UNC13C: variants seen among roughly 807,000 people sequenced by gnomAD.
The protein encoded by UNC13C is protein unc-13 homolog C.
Under a neutral mutation model 245.4 loss-of-function variants are expected in UNC13C, and 174 were observed. The ratio of observed to expected loss-of-function variants is 0.71; its 90% CI spans 0.63 to 0.80. The LOEUF (loss-of-function observed/expected upper bound fraction) is 0.80. Among genes scored for constraint, UNC13C ranks in the 30% least tolerant of loss-of-function variants. The probability of loss-of-function intolerance (pLI) is 0.00; values close to 1 mark genes in which losing one functional copy is unlikely to be tolerated. For synonymous variants in UNC13C, 992 were observed against 895.1 expected (o/e 1.11, Z -1.93); for missense variants, 2,829 against 2,602.9 (o/e 1.09, Z -1.89).
At chr15:54,469,007 A>T (rs746065766) in intron 19 of UNC13C, among the ~76,000 whole-genome samples, 1 of 151,570 alleles carries the variant, frequency 6.6e-6, no homozygotes, top group Non-Finnish European at 1.5e-5. Context: ...ATTTTGCTGA[A>T]TCTATAGATT....
At chr15:54,050,977 C>A (rs533396642) in intron 2 of UNC13C, 17 of 497,072 alleles carry the variant, frequency 3.4e-5, no homozygotes, top group African/African-American at 2.6e-4. Flanking sequence ...GTACCAGTTA[C>A]CAAGAAGCCT....
At position 54,600,713 on chromosome 15, in the gene UNC13C, T is replaced by G. The variant is rs988127254; in HGVS notation, c.6107-21614T>G. 3.9e-5 allele frequency among the ~76,000 whole-genome samples: 6 copies of G among 152,150 alleles called. No individual in the cohort carries two copies. In the East Asian group the frequency reaches 1.2e-3, roughly 29 times the overall value. ...TCTTTCTTATACAAAATAAATATTT[T>G]ATCTTTGAAAACAAAGCTTTCATAC... On this transcript the variant is annotated intron_variant, in intron 30 of 32. Transcript: ENST00000260323.
chr15:54,319,295 A>G (rs2038088757), intron 13 of UNC13C, among the ~76,000 whole-genome samples: 1 of 147,354 alleles, frequency 6.8e-6, no homozygotes, highest in South Asian at 2.2e-4. Flanking sequence ...GAATTGTTGA[A>G]AAAAAAAAAA....
chr15:54,060,995 A>T (rs1218567731), intron 2 of UNC13C, among the ~76,000 whole-genome samples: 1 of 152,170 alleles, frequency 6.6e-6, no homozygotes, highest in African/African-American at 2.4e-5. Flanking sequence ...GAGGGAGAGC[A>T]TTAGGAGATA....
intron 29 of UNC13C, among the ~76,000 whole-genome samples, chr15:54,564,531 C>T (rs1897424722): frequency 6.6e-6 from 1 of 151,990 alleles, no homozygotes; most frequent in Non-Finnish European, 1.5e-5. Context: ...TTTATGCTTT[C>T]ATAGCTTAAC....
chr15:54,473,567 G>A (rs990702157), intron 19 of UNC13C, among the ~76,000 whole-genome samples: 1 of 151,536 alleles, frequency 6.6e-6, no homozygotes, highest in African/African-American at 2.4e-5. Context: ...CATGAAATCA[G>A]CGATTTTAGC....
intron 4 of UNC13C, among the ~76,000 whole-genome samples, chr15:54,153,057 C>T (rs2032592071): frequency 6.6e-6 from 1 of 152,012 alleles, no homozygotes; most frequent in African/African-American, 2.4e-5. Context: ...GCTGCTGCTG[C>T]TATAAGCTTG....
At chr15:53,891,961 T>A in the UNC13C span, among the ~76,000 whole-genome samples, 1 of 152,234 alleles carries the variant, frequency 6.6e-6, no homozygotes, top group Non-Finnish European at 1.5e-5. Context: ...AGTGTTGATG[T>A]TCTTTACAAT....
chr15:54,456,587 GTATTT>G (rs1891543512), intron 19 of UNC13C, among the ~76,000 whole-genome samples: 1 of 137,306 alleles, frequency 7.3e-6, no homozygotes, highest in Non-Finnish European at 1.6e-5. Context: ...TTACTCCTAT[GTATTT>G]TATTTATTTA....
chr15:54,500,769 A>G (rs1416258063), intron 21 of UNC13C, 66 bp from the exon 22 acceptor site: 3 of 1,386,376 alleles, frequency 2.2e-6, no homozygotes, highest in Non-Finnish European at 3.0e-6. Flanking sequence ...GATGGGAAAC[A>G]GTGAAGATTT....
the UNC13C span, among the ~76,000 whole-genome samples, chr15:53,957,412 C>T: frequency 5.2e-4 from 79 of 152,252 alleles, 1 homozygote; most frequent in African/African-American, 1.8e-3. Flanking sequence ...GGATTATAGG[C>T]GTGAGCCACC....
intron 10 of UNC13C, among the ~76,000 whole-genome samples, chr15:54,280,705 TACATATATACATATATAA>T (rs2036963822): frequency 7.7e-6 from 1 of 129,644 alleles, no homozygotes; most frequent in African/African-American, 3.1e-5. Flanking sequence ...TATGTATACA[TACATATATACATATATAA>T]ACATATGTAT....
chr15:54,562,475 T>A (rs559833477), intron 29 of UNC13C, among the ~76,000 whole-genome samples: 17 of 152,170 alleles, frequency 1.1e-4, no homozygotes, highest in African/African-American at 3.8e-4. Context: ...TCTTGCCACG[T>A]CATCTACAAT....
chr15:54,150,688 G>A (rs925316725), intron 4 of UNC13C, among the ~76,000 whole-genome samples: 2 of 152,120 alleles, frequency 1.3e-5, no homozygotes, highest in Non-Finnish European at 2.9e-5. Context: ...AGATCATTAG[G>A]TTAGCTTTTG....
chr15:54,420,101 A>T lies in UNC13C; in HGVS notation c.4933+5034A>T, dbSNP rs75937434. On this transcript the variant is annotated intron_variant, in intron 19 of 32. Transcript: ENST00000260323. ...AGTAGCACCAAAATAGTAAAAGAGA[A>T]ACTCTCAGCTTGGATACCTAAAAAA... Among the ~76,000 whole-genome samples the T allele has an allele frequency of 6.2e-3, 946 of 152,216 alleles. 11 individuals carry two copies. Among genetic ancestry groups the T allele is most frequent in the African/African-American group, 0.022 (917 of 41,542 alleles).
intron 14 of UNC13C, among the ~76,000 whole-genome samples, chr15:54,331,596 T>C (rs2038438009): frequency 6.6e-6 from 1 of 152,046 alleles, no homozygotes; most frequent in Admixed American, 6.6e-5. Context: ...CCCACTTCCG[T>C]AGGTGGTAGA....
intron 30 of UNC13C, among the ~76,000 whole-genome samples, chr15:54,585,076 T>G (rs545426902): frequency 6.6e-6 from 1 of 152,214 alleles, no homozygotes; most frequent in Non-Finnish European, 1.5e-5. Flanking sequence ...TAATGAAGTC[T>G]AATAGAACCT....
intron 28 of UNC13C, among the ~76,000 whole-genome samples, chr15:54,550,840 TG>T (rs1896703110): frequency 6.6e-6 from 1 of 152,164 alleles, no homozygotes. Context: ...CTTTGAAAAG[TG>T]GATTTATACA....
chr15:53,838,955 A>G, the UNC13C span, among the ~76,000 whole-genome samples: 1 of 152,100 alleles, frequency 6.6e-6, no homozygotes, highest in African/African-American at 2.4e-5. Context: ...TTCATAGGAA[A>G]TTGAAAATTT....
Sources: allele counts gnomAD v4.1 joint callset (sites outside exome capture counted in the v4.1 genomes callset), GRCh38; gene constraint gnomAD v4.1.1; transcripts MANE v1.5; gene names NCBI Gene and HGNC (gene_info 2026-07-23, HGNC 2026-07-21).